Variants in GABPA observed in about 807,000 individuals in gnomAD.
GABPA encodes GA-binding protein alpha chain.
GABPA carries 4 observed loss-of-function variants against 59.4 expected under a neutral mutation model. That is an observed-to-expected ratio of 0.07 (90% CI 0.03 to 0.15). GABPA has a LOEUF of 0.15. GABPA is among the 10% of genes least tolerant of loss of function. The pLI is 1.00. For missense variants in GABPA, 251 were observed against 543.8 expected (o/e 0.46, Z 5.36); for synonymous variants, 164 against 183.1 (o/e 0.90, Z 0.84).
At position 25,735,421 on chromosome 21, in the gene GABPA, A is replaced by G; in HGVS notation, c.-184A>G. On this transcript the variant is annotated 5_prime_UTR_variant, in exon 1 of 10. Coordinates refer to ENST00000400075, the MANE Select transcript of GABPA (RefSeq NM_002040.4). ...GGCGGGAGGGGGGTTGGGGCTTCTC[A>G]GCGCCGATTCCGCGGGAAGGGCCCT... 5.8e-6 allele frequency: 1 copy of G among 171,724 alleles called. No individual in the cohort carries two copies. The highest frequency in any genetic ancestry group is 1.3e-5 in the Non-Finnish European group (1 of 78,498). The allele number at this position is 171,724 out of a possible 1,614,324, so 10.6% of individuals were successfully genotyped here. A position where few individuals can be genotyped will look rare whatever the true frequency, so the allele number is the denominator to read the frequency against.
At chr21:25,744,001 G>A (rs530056149) in intron 2 of GABPA, among the ~76,000 whole-genome samples, 1 of 131,500 alleles carries the variant, frequency 7.6e-6, no homozygotes, top group Non-Finnish European at 1.5e-5. Context: ...CCAAGATCGC[G>A]CCACTGCACC....
intron 5 of GABPA, among the ~76,000 whole-genome samples, chr21:25,757,206 A>C (rs929984886): frequency 7.9e-5 from 12 of 152,158 alleles, no homozygotes; most frequent in African/African-American, 2.9e-4. Context: ...CAGAACCAAA[A>C]CTAATTTAGC....
intron 4 of GABPA, among the ~76,000 whole-genome samples, chr21:25,749,572 C>T (rs71649691): frequency 0.02 from 3,079 of 152,292 alleles, 98 homozygotes; most frequent in African/African-American, 0.068. Context: ...GGGCTCACGC[C>T]TGTAATCCTA....
In GABPA at chr21:25,772,393, C is replaced by T. The variant is rs1386557092; in HGVS notation, c.*3161C>T. On this transcript the variant is annotated 3_prime_UTR_variant, in exon 10 of 10. Transcript: ENST00000400075. ...ATAAAACAGTTATTTTCTATTTTTA[C>T]GCAGATAAATATTTGTGCATAAAAT... is the stretch of plus-strand genomic sequence containing the variant. The T allele has an allele frequency of 2.0e-5, 3 of 151,542 alleles. No individual in the cohort carries two copies. The highest frequency in any genetic ancestry group is 4.8e-5 in the African/African-American group (2 of 41,246). The allele number at this position is 151,542 out of a possible 1,614,324, so 9.4% of individuals were successfully genotyped here. A position where few individuals can be genotyped will look rare whatever the true frequency, so the allele number is the denominator to read the frequency against.
chr21:25,741,255 G>C (rs2035214223), intron 1 of GABPA, among the ~76,000 whole-genome samples: 1 of 152,026 alleles, frequency 6.6e-6, no homozygotes, highest in Non-Finnish European at 1.5e-5. Flanking sequence ...AGCCTCCGAA[G>C]TATTAATAGC....
chr21:25,741,560 G>A lies in GABPA; in HGVS notation c.-26-13G>A. The A allele has an allele frequency of 7.2e-7, 1 of 1,390,044 alleles. No homozygotes were observed. The allele number at this position is 1,390,044 out of a possible 1,614,324, so 86.1% of individuals were successfully genotyped here. On this transcript the variant is annotated splice_polypyrimidine_tract_variant and intron_variant, in intron 1 of 9. Coordinates refer to ENST00000400075, the MANE Select transcript of GABPA (RefSeq NM_002040.4). ...GGATAGTTTTAAAATATCTTAAAAA[G>A]TCACTCTTGCAGGACTGATCCTTTG... is the stretch of plus-strand genomic sequence containing the variant.
intron 1 of GABPA, among the ~76,000 whole-genome samples, chr21:25,736,145 G>A (rs1290889924): frequency 6.6e-6 from 1 of 152,168 alleles, no homozygotes; most frequent in African/African-American, 2.4e-5. Context: ...TGTCTACTTG[G>A]AAATTTTTTT....
At chr21:25,742,929 T>A (rs2035261071) in intron 2 of GABPA, among the ~76,000 whole-genome samples, 1 of 147,388 alleles carries the variant, frequency 6.8e-6, no homozygotes, top group African/African-American at 2.5e-5. Flanking sequence ...CAAGGTGCGG[T>A]CTCAAAAAAA....
intron 6 of GABPA, among the ~76,000 whole-genome samples, chr21:25,760,731 A>G (rs1028876855): frequency 6.6e-6 from 1 of 152,138 alleles, no homozygotes; most frequent in Non-Finnish European, 1.5e-5. Flanking sequence ...AAATGGCTCC[A>G]TATCCCCCAG....
Position 25,735,334 on chromosome 21 carries a change from T to G in GABPA, c.-271T>G, listed in dbSNP as rs904254438. The G allele has an allele frequency of 1.2e-5, 3 of 243,564 alleles. No individual in the cohort carries two copies. The highest frequency in any genetic ancestry group is 6.7e-5 in the African/African-American group (3 of 44,564). 15.1% of individuals were successfully genotyped at this position (243,564 alleles called of 1,614,324 possible). ...TTGTACCTCGTGAGCCTCCGTTGCC[T>G]TGGGCGGTCGTTTTGCGCACCCTGC... On this transcript the variant is annotated 5_prime_UTR_variant, in exon 1 of 10. Coordinates refer to ENST00000400075, the MANE Select transcript of GABPA (RefSeq NM_002040.4).
chr21:25,766,971 C>A (rs2035905965), intron 9 of GABPA, among the ~76,000 whole-genome samples: 1 of 151,910 alleles, frequency 6.6e-6, no homozygotes, highest in African/African-American at 2.4e-5. Context: ...AAACAATGAC[C>A]AGTGAACCTC....
At chr21:25,764,169 G>A in intron 7 of GABPA, 41 bp from the exon 8 acceptor site, 1 of 1,499,672 alleles carries the variant, frequency 6.7e-7, no homozygotes, top group African/African-American at 1.4e-5. Context: ...TTTCCTGCTT[G>A]TATTGGAAGA....
intron 3 of GABPA, among the ~76,000 whole-genome samples, 198 bp downstream of exon 3, chr21:25,745,552 AG>A (rs2035340315): frequency 6.6e-6 from 1 of 152,212 alleles, no homozygotes; most frequent in African/African-American, 2.4e-5. Context: ...TTAAATATTT[AG>A]TACTAAAACA....
At chr21:25,746,299 G>A (rs2035363306) in intron 3 of GABPA, among the ~76,000 whole-genome samples, 1 of 152,204 alleles carries the variant, frequency 6.6e-6, no homozygotes, top group Non-Finnish European at 1.5e-5. Context: ...ACAGGTGTGA[G>A]CCAGCGTGCC....
intron 2 of GABPA, among the ~76,000 whole-genome samples, chr21:25,743,715 G>A (rs2035285282): frequency 6.6e-6 from 1 of 151,330 alleles, no homozygotes; most frequent in South Asian, 2.1e-4. Context: ...TTAAAAATTT[G>A]TTTTAAAAGT....
chr21:25,755,651 T>G (rs947489548), intron 5 of GABPA, among the ~76,000 whole-genome samples: 3 of 152,084 alleles, frequency 2.0e-5, no homozygotes, highest in African/African-American at 7.2e-5. Flanking sequence ...AGGCTTTTAT[T>G]ACTGGGAATT....
At chr21:25,753,399 G>A (rs370910935) in intron 5 of GABPA, among the ~76,000 whole-genome samples, 9 of 152,168 alleles carry the variant, frequency 5.9e-5, no homozygotes, top group Non-Finnish European at 4.4e-5. Flanking sequence ...GATGGAAAGC[G>A]AGAAATGGAA....
At position 25,745,877 on chromosome 21, in the gene GABPA, G is replaced by A. The variant is rs895103656; in HGVS notation, c.222+523G>A. Among the ~76,000 whole-genome samples the A allele has an allele frequency of 7.2e-5, 11 of 152,046 alleles. No homozygotes were observed. The South Asian group carries it at 1.0e-3, about 14-fold the overall frequency. On this transcript the variant is annotated intron_variant, in intron 3 of 9. Coordinates refer to ENST00000400075, the MANE Select transcript of GABPA (RefSeq NM_002040.4). ...ATATGTTATGTCTGAAACATATCCC[G>A]AGTCATATTTTACAGTATGTTTTAA...
chr21:25,741,903 T>C (rs2123494512), intron 2 of GABPA, among the ~76,000 whole-genome samples: 1 of 152,290 alleles, frequency 6.6e-6, no homozygotes, highest in East Asian at 1.9e-4. Flanking sequence ...AGCAATTGCT[T>C]TCAATAGTTT....
Sources: gnomAD v4.1 joint callset for allele counts (sites outside exome capture counted in the v4.1 genomes callset) on GRCh38, gnomAD v4.1.1 for gene constraint, MANE v1.5 for transcripts, NCBI Gene and HGNC (gene_info 2026-07-23, HGNC 2026-07-21) for gene names.